Variants in DROSHA observed in about 807,000 individuals in gnomAD.
The protein encoded by DROSHA is ribonuclease 3.
DROSHA carries 56 observed loss-of-function variants against 181.9 expected under a neutral mutation model. The observed-to-expected ratio is 0.31, with a 90% CI of 0.25 to 0.38. The LOEUF is 0.38. Ranked by LOEUF, DROSHA falls within the 10% of genes least tolerant of loss-of-function variation. The pLI, the probability that DROSHA is intolerant of heterozygous loss-of-function variation, is 1.00. For missense variants in DROSHA, 1,218 were observed against 1,743.5 expected, an observed-to-expected ratio of 0.70 and a Z score of 5.37; for synonymous variants, 524 against 591.2, an observed-to-expected ratio of 0.89 and a Z score of 1.65.
chr5:31,429,365 T>C (rs1351186467), intron 27 of DROSHA, 110 bp downstream of exon 27: 1 of 994,020 alleles, frequency 1.0e-6, no homozygotes, highest in African/African-American at 1.7e-5. Flanking sequence ...CTATGGTAGA[T>C]CTGACTATTT....
chr5:31,529,010 A>G, intron 4 of DROSHA, 30 bp downstream of exon 4: 4 of 1,612,432 alleles, frequency 2.5e-6, no homozygotes, highest in Non-Finnish European at 3.4e-6. Context: ...GGTTCTCCCA[A>G]ACTATTGCCA....
chr5:31,405,241 A>AC (rs755251173), intron 35 of DROSHA, among the ~76,000 whole-genome samples: 4 of 151,918 alleles, frequency 2.6e-5, no homozygotes, highest in Non-Finnish European at 5.9e-5. Context: ...GGTAGGAGGC[A>AC]CCTGTAATCC....
At chr5:31,418,217 T>G (rs532658906) in intron 30 of DROSHA, among the ~76,000 whole-genome samples, 3,617 of 148,708 alleles carry the variant, frequency 0.024, 67 homozygotes, top group Non-Finnish European at 0.037. Context: ...TATGTGTGTG[T>G]GGTGTGTGTG....
At chr5:31,482,408 A>G (rs1223895317) in intron 16 of DROSHA, among the ~76,000 whole-genome samples, 1 of 152,118 alleles carries the variant, frequency 6.6e-6, no homozygotes, top group Non-Finnish European at 1.5e-5. Context: ...CATAAGGAGA[A>G]GAGGGAAGAT....
At chr5:31,435,335 T>C (rs1324282758) in intron 25 of DROSHA, among the ~76,000 whole-genome samples, 1 of 152,220 alleles carries the variant, frequency 6.6e-6, no homozygotes, top group African/African-American at 2.4e-5. Context: ...AAAGTACCCC[T>C]AGTGGATAAA....
At chr5:31,437,491 G>A (rs1405419285) in intron 23 of DROSHA, among the ~76,000 whole-genome samples, 193 bp from the exon 24 acceptor site, 1 of 151,950 alleles carries the variant, frequency 6.6e-6, no homozygotes, top group Non-Finnish European at 1.5e-5. Flanking sequence ...ATGGGAAGGA[G>A]GGGTGCATTC....
At chr5:31,489,962 T>C (rs1023755556) in intron 13 of DROSHA, among the ~76,000 whole-genome samples, 1 of 152,054 alleles carries the variant, frequency 6.6e-6, no homozygotes, top group Non-Finnish European at 1.5e-5. Context: ...CACTGCAAAC[T>C]CCGCCTCTTG....
chr5:31,472,794 A>T (rs1749881796), intron 16 of DROSHA, among the ~76,000 whole-genome samples: 1 of 152,234 alleles, frequency 6.6e-6, no homozygotes, highest in African/African-American at 2.4e-5. Flanking sequence ...ATCATGGAAG[A>T]TCATTATGGA....
rs7727617 is a variant in DROSHA, at chr5:31,409,044, A to G, written c.3854+12T>C. On this transcript the variant is annotated intron_variant, in intron 33 of 35. Coordinates refer to ENST00000344624, the MANE Select transcript of DROSHA (RefSeq NM_001382508.1). The surrounding 1 kb of genome is among the most constrained non-coding windows in gnomAD (Gnocchi z 4.0). ...GGATCCAACCAATGGCCTGCAGGCA[A>G]CAAGTACTTACTTGTACAGAGGAAT... is the stretch of plus-strand genomic sequence containing the variant. 6.2e-7 allele frequency: 1 copy of G among 1,611,734 alleles called. No individual in the cohort carries two copies. Among genetic ancestry groups the G allele is most frequent in the Non-Finnish European group, 8.5e-7 (1 of 1,178,986 alleles).
At position 31,526,598 on chromosome 5, in the gene DROSHA, G is replaced by A; in HGVS notation, c.335C>T (p.Pro112Leu). The part of the protein sequence containing the change: ...FPNHQMRHPF[P>L]VPPCFPPMPP... ...CATGGGAGGAAAACAAGGAGGAACT[G>A]GGAAGGGGTGCCTCATCTGGTGGTT... The change falls in exon 5 of 36, where the codon CCA becomes CTA. Residue 112 changes from proline (P) to leucine (L), a missense_variant. By Grantham distance (98) the Pro-to-Leu change is moderately conservative. Coordinates refer to ENST00000344624, the MANE Select transcript of DROSHA (RefSeq NM_001382508.1). 1.3e-6 allele frequency: 2 copies of A among 1,525,366 alleles called. No homozygotes were observed. Among genetic ancestry groups the A allele is most frequent in the Non-Finnish European group, 1.8e-6 (2 of 1,138,708 alleles). 94.5% of individuals were successfully genotyped at this position (1,525,366 alleles called of 1,614,324 possible). A position where few individuals can be genotyped will look rare whatever the true frequency, so the allele number is the denominator to read the frequency against.
chr5:31,426,451 C>A (rs1311099411), intron 27 of DROSHA, among the ~76,000 whole-genome samples: 1 of 152,166 alleles, frequency 6.6e-6, no homozygotes, highest in Non-Finnish European at 1.5e-5. Context: ...CACTTTAATA[C>A]ATTGTGGTAA....
intron 3 of DROSHA, among the ~76,000 whole-genome samples, chr5:31,529,369 T>G (rs908337249): frequency 6.6e-6 from 1 of 152,192 alleles, no homozygotes; most frequent in Admixed American, 6.5e-5. Flanking sequence ...TCATCTCTAA[T>G]TTGTTAAAAG....
intron 17 of DROSHA, among the ~76,000 whole-genome samples, chr5:31,471,533 C>T (rs533651442): frequency 7.3e-5 from 11 of 151,602 alleles, no homozygotes; most frequent in African/African-American, 2.7e-4. Flanking sequence ...TTAAGTAGCA[C>T]CCAAAGAAAT....
At chr5:31,500,758 C>T (rs1179687760) in intron 11 of DROSHA, among the ~76,000 whole-genome samples, 2 of 152,142 alleles carry the variant, frequency 1.3e-5, no homozygotes, top group African/African-American at 2.4e-5. Flanking sequence ...AATCCTGAAA[C>T]AAGAGATGCC....
intron 8 of DROSHA, among the ~76,000 whole-genome samples, chr5:31,513,145 A>G (rs1738880419): frequency 6.6e-6 from 1 of 152,184 alleles, no homozygotes; most frequent in African/African-American, 2.4e-5. Flanking sequence ...TCAAGGGATG[A>G]AAGGAGAGCT....
In DROSHA at chr5:31,515,130, T is replaced by C. The variant is rs1739132349; in HGVS notation, c.1148A>G (p.Asn383Ser). Residue 383 changes from asparagine (N) to serine (S), a missense_variant, in exon 8 of 36, where the codon AAC (asparagine) becomes AGC (serine). This residue lies in a region of DROSHA where 536 missense variants were observed against 535.4 expected (regional missense o/e 1.00). Coordinates refer to ENST00000344624, the MANE Select transcript of DROSHA (RefSeq NM_001382508.1). ...CTCTTTTTCCTTGATTGAGGTATAG[T>C]TCTTGTCTTTGCCAGAACTCTGGTT... ...SDNQSSGKDK[N>S]YTSIKEKEPE... 1 of 1,613,990 alleles carries C rather than the reference T, an allele frequency of 6.2e-7. No homozygotes were observed. Among genetic ancestry groups the C allele is most frequent in the East Asian group, 2.2e-5 (1 of 44,886 alleles).
In DROSHA at chr5:31,483,595, G is replaced by A. The variant is rs1191660879; in HGVS notation, c.2030C>T (p.Pro677Leu). 1 of 1,611,836 alleles carries A rather than the reference G, an allele frequency of 6.2e-7. No individual in the cohort carries two copies. Among genetic ancestry groups the A allele is most frequent in the Non-Finnish European group, 8.5e-7 (1 of 1,179,574 alleles). Residue 677 changes from proline (P) to leucine (L), a missense_variant, in exon 16 of 36, where the codon CCA becomes CTA. Transcript: ENST00000344624. ...AAAACGTGGCATGAAATGAAATCTTGGGCAGCAGGGAGGGCTGTCTTCAAA... is the reference window on the plus strand; with the variant it reads ...AAAACGTGGCATGAAATGAAATCTTAGGCAGCAGGGAGGGCTGTCTTCAAA... Reference protein sequence around the residue: ...PLFEDSPPCCPRFHFMPRFVR... With the variant: ...PLFEDSPPCCLRFHFMPRFVR...
chr5:31,414,124 G>T (rs1374677110), intron 30 of DROSHA, among the ~76,000 whole-genome samples: 1 of 152,172 alleles, frequency 6.6e-6, no homozygotes, highest in Non-Finnish European at 1.5e-5. Flanking sequence ...ATGCAGTGAG[G>T]CTGGCAGGTG....
Position 31,409,269 on chromosome 5 carries a change from C to G in DROSHA, c.3731G>C (p.Cys1244Ser). Reference protein sequence around the residue: ...LEYVHTFMNVCFFPRLKEFIL... With the variant: ...LEYVHTFMNVSFFPRLKEFIL... Reference sequence around the variant, plus strand: ...GCTTACTTTCAATCGTGGAAAGAAGCAGACATTCATGAAAGTATGAACATA... The same window carrying G: ...GCTTACTTTCAATCGTGGAAAGAAGGAGACATTCATGAAAGTATGAACATA... Residue 1244 changes from cysteine to serine, a missense_variant, in exon 32 of 36, where the codon TGC becomes TCC. Around this residue, in one of 8 missense-constraint regions of DROSHA, gnomAD observed 47 missense variants for 70.6 expected, o/e 0.67. Coordinates refer to ENST00000344624, the MANE Select transcript of DROSHA (RefSeq NM_001382508.1). The surrounding 1 kb of genome is among the most constrained non-coding windows in gnomAD (Gnocchi z 4.0). 1 of 1,595,816 alleles carries G rather than the reference C, an allele frequency of 6.3e-7. No individual in the cohort carries two copies. Among genetic ancestry groups the G allele is most frequent in the South Asian group, 1.1e-5 (1 of 88,134 alleles).
Sources: allele counts gnomAD v4.1 joint callset (sites outside exome capture counted in the v4.1 genomes callset), GRCh38; gene constraint gnomAD v4.1.1; regional missense constraint gnomAD v4.1.1; non-coding constraint Gnocchi (gnomAD v3.1); transcripts MANE v1.5; gene names NCBI Gene and HGNC (gene_info 2026-07-23, HGNC 2026-07-21).